The following RHOA variants were observed in gnomAD, a reference collection of about 807,000 sequenced individuals.
RHOA encodes the protein transforming protein RhoA.
RHOA carries 3 observed loss-of-function variants against 17.5 expected under a neutral mutation model. That is an observed-to-expected ratio of 0.17 (90% CI 0.08 to 0.44). RHOA has a LOEUF of 0.44. Among genes scored for constraint, RHOA ranks in the 20% least tolerant of loss-of-function variants. RHOA has a pLI of 0.99. For missense variants in RHOA, 56 were observed against 242.3 expected (o/e 0.23, Z 5.10); for synonymous variants, 98 against 88.4 (o/e 1.11, Z -0.61).
At chr3:49,373,833 C>T (rs1470643786) in intron 2 of RHOA, among the ~76,000 whole-genome samples, 2 of 150,268 alleles carry the variant, frequency 1.3e-5, no homozygotes, top group Non-Finnish European at 3.0e-5. Context: ...TATGAGAGGC[C>T]AAGCAAAGCA....
chr3:49,387,149 A>C (rs1459077309), intron 1 of RHOA, among the ~76,000 whole-genome samples: 4 of 83,402 alleles, frequency 4.8e-5, no homozygotes, highest in East Asian at 4.4e-4. Context: ...AAAAAAAAAA[A>C]AAAAAAAAAA....
At chr3:49,392,375 A>G (rs1379257312) in intron 1 of RHOA, among the ~76,000 whole-genome samples, 1 of 152,102 alleles carries the variant, frequency 6.6e-6, no homozygotes, top group African/African-American at 2.4e-5. Flanking sequence ...CCAGTAGGTA[A>G]AGTCTACAGT....
At chr3:49,392,944 A>AG (rs1319013959) in intron 1 of RHOA, among the ~76,000 whole-genome samples, 4 of 152,080 alleles carry the variant, frequency 2.6e-5, no homozygotes, top group Non-Finnish European at 4.4e-5. Context: ...TGGGAGGTCA[A>AG]GGGGGGTAGA....
At chr3:49,373,372 AAGG>A (rs1477882658) in intron 2 of RHOA, 1 of 163,906 alleles carries the variant, frequency 6.1e-6, no homozygotes, top group Non-Finnish European at 1.4e-5. Flanking sequence ...CAAAGTAAGA[AAGG>A]AGAAAGGGGA....
chr3:49,394,188 T>C (rs2048573626), intron 1 of RHOA, among the ~76,000 whole-genome samples: 1 of 151,882 alleles, frequency 6.6e-6, no homozygotes. Flanking sequence ...GTATTTTTAG[T>C]AGAGACAGGG....
At chr3:49,393,487 G>A (rs1361821731) in intron 1 of RHOA, among the ~76,000 whole-genome samples, 1 of 151,742 alleles carries the variant, frequency 6.6e-6, no homozygotes, top group African/African-American at 2.4e-5. Context: ...CTGTAGAGAT[G>A]GGGTTCCATC....
At chr3:49,405,619 T>C (rs2048820361) in intron 1 of RHOA, among the ~76,000 whole-genome samples, 1 of 152,178 alleles carries the variant, frequency 6.6e-6, no homozygotes, top group South Asian at 2.1e-4. Context: ...AGAGCTAGTA[T>C]TTAACTGTCA....
chr3:49,394,664 T>C (rs1385584339), intron 1 of RHOA, among the ~76,000 whole-genome samples: 1 of 152,156 alleles, frequency 6.6e-6, no homozygotes, highest in African/African-American at 2.4e-5. Context: ...AACCACTGTC[T>C]TCTATGGGCC....
At position 49,359,346 on chromosome 3, in the gene RHOA, C is replaced by T; in HGVS notation, c.*863G>A. 1 of 188,942 alleles carries T rather than the reference C, an allele frequency of 5.3e-6. No individual in the cohort carries two copies. Among genetic ancestry groups the T allele is most frequent in the Non-Finnish European group, 1.1e-5 (1 of 89,498 alleles). 11.7% of individuals were successfully genotyped at this position (188,942 alleles called of 1,614,324 possible). A position where few individuals can be genotyped will look rare whatever the true frequency, so the allele number is the denominator to read the frequency against. ...TTAAGTCCAGGTGAGACAGGTTATG[C>T]CATCTTCCAAAGTGTCTAATTGCCT... On this transcript the variant is annotated 3_prime_UTR_variant, in exon 5 of 5. Transcript: ENST00000418115.
chr3:49,391,275 C>T (rs1281694692), intron 1 of RHOA, among the ~76,000 whole-genome samples: 1 of 151,150 alleles, frequency 6.6e-6, no homozygotes, highest in East Asian at 1.9e-4. Context: ...ACGTGTAGTT[C>T]CAGCTACTAG....
At chr3:49,398,524 G>C (rs1249975895) in intron 1 of RHOA, among the ~76,000 whole-genome samples, 1 of 151,712 alleles carries the variant, frequency 6.6e-6, no homozygotes, top group Non-Finnish European at 1.5e-5. Context: ...CCCCAGTGGG[G>C]GCTTAAAGAA....
At chr3:49,382,427 G>A (rs1307002719) in intron 1 of RHOA, among the ~76,000 whole-genome samples, 1 of 152,056 alleles carries the variant, frequency 6.6e-6, no homozygotes, top group African/African-American at 2.4e-5. Context: ...TTGAGCCTAA[G>A]AGTTGGAGAC....
chr3:49,367,782 A>G (rs1162991198), intron 3 of RHOA, among the ~76,000 whole-genome samples: 1 of 151,918 alleles, frequency 6.6e-6, no homozygotes, highest in East Asian at 1.9e-4. Context: ...TCGGCCTCCC[A>G]AAGTGCTAGG....
chr3:49,393,676 CTGTGTGTG>C (rs71080504), intron 1 of RHOA, among the ~76,000 whole-genome samples: 11 of 10,360 alleles, frequency 1.1e-3, no homozygotes, highest in African/African-American at 2.6e-3. Flanking sequence ...AATTCTCTCT[CTGTGTGTG>C]TGTGTGTGTG....
intron 1 of RHOA, among the ~76,000 whole-genome samples, chr3:49,405,048 G>T (rs1163124015): frequency 6.6e-6 from 1 of 150,838 alleles, no homozygotes; most frequent in Non-Finnish European, 1.5e-5. Context: ...AGGAGATCGG[G>T]ACCATCCTGG....
At chr3:49,376,138 G>A (rs1442987224) in intron 1 of RHOA, among the ~76,000 whole-genome samples, 1 of 152,002 alleles carries the variant, frequency 6.6e-6, no homozygotes, top group African/African-American at 2.4e-5. Context: ...ACCACGCCTG[G>A]CCTGTTCTTG....
intron 4 of RHOA, chr3:49,361,036 A>G (rs1201900683): frequency 5.8e-6 from 1 of 172,892 alleles, no homozygotes; most frequent in Non-Finnish European, 1.3e-5. Context: ...ATCGTGCCAC[A>G]GCACTCCAGC....
intron 1 of RHOA, among the ~76,000 whole-genome samples, chr3:49,395,674 C>T (rs1185901058): frequency 6.6e-6 from 1 of 152,004 alleles, no homozygotes; most frequent in African/African-American, 2.4e-5. Flanking sequence ...GATCACACCA[C>T]TGCACTCTAG....
chr3:49,388,000 GCTTT>G (rs1463587325), intron 1 of RHOA, among the ~76,000 whole-genome samples: 1 of 151,166 alleles, frequency 6.6e-6, no homozygotes, highest in East Asian at 1.9e-4. Flanking sequence ...GAAGGGGATG[GCTTT>G]CTCTTTTTTT....
Sources: allele counts gnomAD v4.1 joint callset (sites outside exome capture counted in the v4.1 genomes callset), GRCh38; gene constraint gnomAD v4.1.1; transcripts MANE v1.5; gene names NCBI Gene and HGNC (gene_info 2026-07-23, HGNC 2026-07-21).